NXPE2: variants seen among roughly 807,000 people sequenced by gnomAD.
NXPE2 encodes the protein neurexophilin and PC-esterase domain family member 2.
In NXPE2, 34 loss-of-function variants were observed where a neutral mutation model predicts 34.4. The ratio of observed to expected loss-of-function variants is 0.99; its 90% CI spans 0.75 to 1.31. The LOEUF (loss-of-function observed/expected upper bound fraction) is 1.31, where lower values mean the gene tolerates loss of function less well. Ranked by LOEUF, NXPE2 falls within the 40% of genes most tolerant of loss-of-function variation. The probability of loss-of-function intolerance (pLI) is 0.00; values close to 1 mark genes in which losing one functional copy is unlikely to be tolerated. For missense variants in NXPE2, 649 were observed against 672.5 expected, an observed-to-expected ratio of 0.97 and a Z score of 0.39; for synonymous variants, 235 against 231.3, an observed-to-expected ratio of 1.02 and a Z score of -0.15.
At chr11:114,702,549 C>T (rs1244571467) in intron 3 of NXPE2, among the ~76,000 whole-genome samples, 1 of 152,146 alleles carries the variant, frequency 6.6e-6, no homozygotes, top group East Asian at 1.9e-4. Context: ...TATATGCCAA[C>T]ATTTATGTTA....
chr11:114,602,693 C>T, the NXPE2 span, among the ~76,000 whole-genome samples: 1 of 138,896 alleles, frequency 7.2e-6, no homozygotes, highest in African/African-American at 2.7e-5. Context: ...ATAATTATCT[C>T]ATATATAATA....
chr11:114,697,380 C>T (rs890158812), intron 2 of NXPE2, among the ~76,000 whole-genome samples: 3 of 152,210 alleles, frequency 2.0e-5, no homozygotes, highest in Admixed American at 1.3e-4. Flanking sequence ...AGTTAGGAGA[C>T]ATGTATGGAA....
chr11:114,696,340 C>CAAAAAAAAAAAAAAAAAAAAAAAAAAAA (rs773266644), intron 2 of NXPE2, among the ~76,000 whole-genome samples: 1 of 64,606 alleles, frequency 1.5e-5, no homozygotes, highest in Non-Finnish European at 2.8e-5. Context: ...TCAAAAAAAC[C>CAAAAAAAAAAAAAAAAAAAAAAAAAAAA]AAAAAAAAAA....
In NXPE2 at chr11:114,705,950, T is replaced by C; in HGVS notation, c.1098T>C (p.Asp366=). 2 of 1,529,152 alleles carry C rather than the reference T, an allele frequency of 1.3e-6. No individual in the cohort carries two copies. Among genetic ancestry groups the C allele is most frequent in the Admixed American group, 4.3e-5 (2 of 46,538 alleles). The allele number at this position is 1,529,152 out of a possible 1,614,324, so 94.7% of individuals were successfully genotyped here. Residue 366 remains aspartate, a synonymous_variant, in exon 5 of 6, where the codon GAT becomes GAC. Transcript: ENST00000389586. ...GAAAACTTATTTATCTCATGGGAGATTCAACACTGCATCAGTGGATTTACT... is the reference window on the plus strand; with the variant it reads ...GAAAACTTATTTATCTCATGGGAGACTCAACACTGCATCAGTGGATTTACT... ...LERKLIYLMG[D]STLHQWIYYL... is the part of the protein sequence containing the mutation.
chr11:114,704,822 C>T (rs1951441870), intron 4 of NXPE2, among the ~76,000 whole-genome samples: 1 of 152,204 alleles, frequency 6.6e-6, no homozygotes, highest in South Asian at 2.1e-4. Context: ...CTATCATTCA[C>T]ACCCAACTTT....
the NXPE2 span, among the ~76,000 whole-genome samples, chr11:114,736,221 A>G: frequency 6.6e-6 from 1 of 152,188 alleles, no homozygotes. Flanking sequence ...ACAGGGTTTG[A>G]GAGCAACTGG....
chr11:114,694,906 T>C (rs551928936), intron 2 of NXPE2, among the ~76,000 whole-genome samples: 6 of 152,202 alleles, frequency 3.9e-5, no homozygotes, highest in East Asian at 1.9e-4. Flanking sequence ...AAATTTCTGG[T>C]CTGATAATTT....
chr11:114,529,302 C>A, the NXPE2 span: 1 of 153,030 alleles, frequency 6.5e-6, no homozygotes, highest in Admixed American at 6.5e-5. Flanking sequence ...GTCTCTGGAA[C>A]TGATAGAAGT....
chr11:114,633,760 C>G, the NXPE2 span, among the ~76,000 whole-genome samples: 1 of 151,836 alleles, frequency 6.6e-6, no homozygotes, highest in African/African-American at 2.4e-5. Flanking sequence ...TGATGATTTC[C>G]AATTTCATCC....
the NXPE2 span, among the ~76,000 whole-genome samples, chr11:114,540,885 T>TTTTTTTG: frequency 1.2e-3 from 98 of 81,284 alleles, 27 homozygotes; most frequent in East Asian, 1.7e-3. Context: ...TTTTTTTTTT[T>TTTTTTTG]GGCTTGAACA....
chr11:114,672,398 A>G, the NXPE2 span, among the ~76,000 whole-genome samples: 2 of 104,332 alleles, frequency 1.9e-5, no homozygotes, highest in African/African-American at 5.4e-5. Context: ...ATGCAAAATA[A>G]ATCAGTAAAG....
chr11:114,604,242 G>A, the NXPE2 span, among the ~76,000 whole-genome samples: 1 of 151,920 alleles, frequency 6.6e-6, no homozygotes, highest in Non-Finnish European at 1.5e-5. Flanking sequence ...TTTATAATAA[G>A]TGTTGACTCT....
the NXPE2 span, among the ~76,000 whole-genome samples, chr11:114,598,269 G>A: frequency 3.8e-5 from 1 of 26,554 alleles, no homozygotes; most frequent in African/African-American, 1.8e-4. Context: ...CAAGGACCTG[G>A]GCAGCTCTGC....
the NXPE2 span, among the ~76,000 whole-genome samples, chr11:114,646,630 T>C: frequency 6.6e-6 from 1 of 152,120 alleles, no homozygotes; most frequent in Non-Finnish European, 1.5e-5. Context: ...TAACAAGTAT[T>C]TTTACTATAA....
the NXPE2 span, among the ~76,000 whole-genome samples, chr11:114,651,343 C>T: frequency 6.6e-6 from 1 of 151,514 alleles, no homozygotes. Context: ...TAAGGTGGCA[C>T]GTCCGGAGTT....
chr11:114,506,917 A>T, the NXPE2 span, among the ~76,000 whole-genome samples: 2 of 152,222 alleles, frequency 1.3e-5, no homozygotes, highest in Middle Eastern at 3.4e-3. Context: ...ACACAAAAAA[A>T]CCCTGCAAAA....
the NXPE2 span, chr11:114,554,129 A>G: frequency 1.0e-6 from 1 of 985,434 alleles, no homozygotes; most frequent in Non-Finnish European, 1.2e-6. Context: ...CTATATGGTC[A>G]TCCTCAGACA....
the NXPE2 span, among the ~76,000 whole-genome samples, chr11:114,590,854 C>T: frequency 6.6e-6 from 1 of 152,174 alleles, no homozygotes; most frequent in Non-Finnish European, 1.5e-5. Context: ...AGCAGGATTG[C>T]TGTCTTTTAT....
At chr11:114,667,821 G>C in the NXPE2 span, among the ~76,000 whole-genome samples, 1 of 152,152 alleles carries the variant, frequency 6.6e-6, no homozygotes, top group Non-Finnish European at 1.5e-5. Flanking sequence ...CATACTGACA[G>C]AGACCTCATT....
Sources: gnomAD v4.1 joint callset for allele counts (sites outside exome capture counted in the v4.1 genomes callset) on GRCh38, gnomAD v4.1.1 for gene constraint, MANE v1.5 for transcripts, NCBI Gene and HGNC (gene_info 2026-07-23, HGNC 2026-07-21) for gene names.